Variants in TOGARAM2 observed in about 807,000 individuals in gnomAD.
The protein encoded by TOGARAM2 is TOG array regulator of axonemal microtubules protein 2.
Under a neutral mutation model 93.3 loss-of-function variants are expected in TOGARAM2, and 85 were observed. The ratio of observed to expected loss-of-function variants is 0.91; its 90% CI spans 0.76 to 1.09. TOGARAM2 has a LOEUF of 1.09. Ranked by LOEUF, TOGARAM2 falls within the 50% of genes least tolerant of loss-of-function variation. TOGARAM2 has a pLI of 0.00. For synonymous variants in TOGARAM2, 593 were observed against 552.8 expected, an observed-to-expected ratio of 1.07 and a Z score of -1.02; for missense variants, 1,277 against 1,334.5, an observed-to-expected ratio of 0.96 and a Z score of 0.67.
At chr2:29,015,130 T>G (rs1037855787) in intron 8 of TOGARAM2, among the ~76,000 whole-genome samples, 1 of 152,132 alleles carries the variant, frequency 6.6e-6, no homozygotes, top group African/African-American at 2.4e-5. Flanking sequence ...GACAGAACAT[T>G]CCAGGTCAAG....
chr2:29,048,813 G>A (rs1173328333), intron 19 of TOGARAM2: 1 of 147,692 alleles, frequency 6.8e-6, no homozygotes, highest in Non-Finnish European at 1.5e-5. Context: ...CAAGTAACTG[G>A]GATTACAGGC....
intron 1 of TOGARAM2, among the ~76,000 whole-genome samples, chr2:28,992,674 A>G (rs1672791923): frequency 2.6e-5 from 4 of 152,192 alleles, no homozygotes; most frequent in African/African-American, 9.7e-5. Flanking sequence ...GACCATTCTG[A>G]CAGCCTAGGG....
intron 7 of TOGARAM2, among the ~76,000 whole-genome samples, chr2:29,012,076 A>G (rs1309658085): frequency 6.6e-6 from 1 of 152,152 alleles, no homozygotes; most frequent in Non-Finnish European, 1.5e-5. Context: ...AGGAGAGGGG[A>G]CAGGGCAGGG....
chr2:29,035,637 T>C lies in TOGARAM2; in HGVS notation c.2399T>C (p.Val800Ala), dbSNP rs1469465857. 1 of 1,519,472 alleles carries C rather than the reference T, an allele frequency of 6.6e-7. No homozygotes were observed. Among genetic ancestry groups the C allele is most frequent in the Non-Finnish European group, 8.8e-7 (1 of 1,130,534 alleles). The allele number at this position is 1,519,472 out of a possible 1,614,324, so 94.1% of individuals were successfully genotyped here. ...CTCTGCAAGGCCAAGACGGAGCTTG[T>C]CACTGCCCACCTGGTCCAGGTGAGC... ...LELCKAKTEL[V>A]TAHLVQVFDA... Residue 800 changes from valine to alanine, a missense_variant, in exon 17 of 20, where the codon GTC becomes GCC. Physicochemically the swap from Val to Ala is moderately conservative, Grantham distance 64. Transcript: ENST00000379558.
chr2:28,986,425 G>C (rs758544326), intron 1 of TOGARAM2, among the ~76,000 whole-genome samples: 2 of 152,176 alleles, frequency 1.3e-5, no homozygotes, highest in Non-Finnish European at 1.5e-5. Context: ...CCTCGGCTGC[G>C]TTGGGCATAA....
rs568003343 is a variant in TOGARAM2 at position 29,024,598 on chromosome 2, C to T, written c.1853+224C>T. 5.9e-5 allele frequency among the ~76,000 whole-genome samples: 9 copies of T among 152,250 alleles called. No homozygotes were observed. The South Asian group carries it at 8.3e-4, about 14-fold the overall frequency. ...CTCAGACTTCACAGCAGGTGCTTCC[C>T]ACTTAGCTGGGGGAGGAAGACCCCT... On this transcript the variant is annotated intron_variant, in intron 13 of 19. Coordinates refer to ENST00000379558, the MANE Select transcript of TOGARAM2 (RefSeq NM_199280.4).
rs13409364 is a variant in TOGARAM2, at chr2:29,017,583, A to T, written c.1196-209A>T. 1.7e-3 allele frequency among the ~76,000 whole-genome samples: 263 copies of T among 151,888 alleles called. 1 individual carries two copies. Among genetic ancestry groups the T allele is most frequent in the African/African-American group, 6.3e-3 (259 of 41,402 alleles). On this transcript the variant is annotated intron_variant, in intron 9 of 19. Transcript: ENST00000379558. Reference sequence around the variant, plus strand: ...TACCATGCTTGGCTAATTTCTTTTAAATTTTCTGTAGAGATGGGCATCTCC... The same window carrying T: ...TACCATGCTTGGCTAATTTCTTTTATATTTTCTGTAGAGATGGGCATCTCC...
chr2:29,027,323 A>G (rs1230983471), intron 14 of TOGARAM2, among the ~76,000 whole-genome samples: 1 of 152,102 alleles, frequency 6.6e-6, no homozygotes, highest in Admixed American at 6.5e-5. Flanking sequence ...TTTTCTGGAG[A>G]TATTTAATGA....
At position 29,051,882 on chromosome 2, in the gene TOGARAM2, G is replaced by T. The variant is rs376723895; in HGVS notation, c.2849G>T (p.Arg950Leu). 29 of 1,575,358 alleles carry T rather than the reference G, an allele frequency of 1.8e-5. No homozygotes were observed. The African/African-American group carries it at 3.0e-4, about 16-fold the overall frequency. The change falls in exon 20 of 20, where the codon CGC becomes CTC. Residue 950 changes from arginine to leucine, a missense_variant. Coordinates refer to ENST00000379558, the MANE Select transcript of TOGARAM2 (RefSeq NM_199280.4). ...CTGCCTGGACCCAGCGGGAACATCC[G>T]CGGGGTGGTGTGCCGGCTGTCCAGG... ...GTLPGPSGNI[R>L]GVVCRLSRSL...
intron 17 of TOGARAM2, 48 bp downstream of exon 17, chr2:29,035,704 G>A (rs1186268766): frequency 2.3e-6 from 3 of 1,308,278 alleles, no homozygotes; most frequent in Non-Finnish European, 3.0e-6. Context: ...CCTCTGGGGG[G>A]TGCAACTTGA....
chr2:28,980,362 C>T (rs1203097416), upstream of TOGARAM2, among the ~76,000 whole-genome samples: 4 of 152,246 alleles, frequency 2.6e-5, no homozygotes, highest in African/African-American at 9.6e-5. Flanking sequence ...CAGCCCAGGC[C>T]TCGTGGGGTG....
At chr2:29,031,488 C>G (rs1214853747) in intron 14 of TOGARAM2, among the ~76,000 whole-genome samples, 2 of 152,160 alleles carry the variant, frequency 1.3e-5, no homozygotes, top group African/African-American at 4.8e-5. Context: ...TTTGGATGCT[C>G]TCTGGAGAAT....
Position 29,026,929 on chromosome 2 carries a change from C to A in TOGARAM2, c.1930C>A (p.Leu644Ile), listed in dbSNP as rs1298196465. 6.3e-7 allele frequency: 1 copy of A among 1,581,336 alleles called. No individual in the cohort carries two copies. ...GCTGGAGCAGATCGGCGCTGAGAAGCTTCTCTCGGGCACCAGAGACAGCAC... is the reference window on the plus strand; with the variant it reads ...GCTGGAGCAGATCGGCGCTGAGAAGATTCTCTCGGGCACCAGAGACAGCAC... The part of the protein sequence containing the change: ...AVLEQIGAEK[L>I]LSGTRDSTDM... The change falls in exon 14 of 20, where the codon CTT becomes ATT. Residue 644 changes from leucine to isoleucine, a missense_variant. Transcript: ENST00000379558.
upstream of TOGARAM2, among the ~76,000 whole-genome samples, chr2:28,979,143 G>A (rs1672076974): frequency 6.6e-6 from 1 of 152,122 alleles, no homozygotes; most frequent in South Asian, 2.1e-4. Flanking sequence ...CTTCCAGGCA[G>A]CTCCTGGCTC....
chr2:29,013,158 T>C (rs1664352657), intron 7 of TOGARAM2, among the ~76,000 whole-genome samples: 1 of 152,240 alleles, frequency 6.6e-6, no homozygotes, highest in African/African-American at 2.4e-5. Flanking sequence ...TGAATGAACC[T>C]GTTTGAGCCC....
In TOGARAM2 at chr2:28,994,870, G is replaced by T; in HGVS notation, c.28+8G>T. The T allele has an allele frequency of 1.5e-5, 23 of 1,552,342 alleles. No homozygotes were observed. The highest frequency in any genetic ancestry group is 2.0e-5 in the Non-Finnish European group (23 of 1,147,346). ...GTGACGATGTCCCCGAAGGTAAGGG[G>T]CACCATGGGAGGCCTGCTGCTGGTG... On this transcript the variant is annotated splice_region_variant and intron_variant, in intron 2 of 19. Transcript: ENST00000379558.
intron 14 of TOGARAM2, chr2:29,032,708 A>G (rs1665841744): frequency 2.1e-6 from 1 of 478,928 alleles, no homozygotes; most frequent in African/African-American, 1.9e-5. Flanking sequence ...CAGAAAAAAG[A>G]CTATAGGAAA....
At chr2:29,043,786 G>A (rs1666579630) in intron 18 of TOGARAM2, among the ~76,000 whole-genome samples, 1 of 152,194 alleles carries the variant, frequency 6.6e-6, no homozygotes, top group African/African-American at 2.4e-5. Context: ...TCTCAGCTTA[G>A]CACACCTTTC....
intron 18 of TOGARAM2, among the ~76,000 whole-genome samples, chr2:29,041,698 C>T (rs574565094): frequency 5.3e-5 from 8 of 152,204 alleles, no homozygotes; most frequent in African/African-American, 1.7e-4. Context: ...CTCTGGGCTG[C>T]GGCTAGTGGC....
Sources: allele counts gnomAD v4.1 joint callset (sites outside exome capture counted in the v4.1 genomes callset), GRCh38; gene constraint gnomAD v4.1.1; transcripts MANE v1.5; gene names NCBI Gene and HGNC (gene_info 2026-07-23, HGNC 2026-07-21).